The following GALNT13 variants were observed in gnomAD, a reference collection of about 807,000 sequenced individuals.
GALNT13 encodes the protein polypeptide N-acetylgalactosaminyltransferase 13, also known as UDP-GalNAc:polypeptide N-acetylgalactosaminyltransferase 13.
A neutral mutation model predicts 64.2 loss-of-function variants in GALNT13; 28 were observed. The observed-to-expected ratio is 0.44, with a 90% CI of 0.32 to 0.60. The LOEUF is 0.60. Ranked by LOEUF, GALNT13 falls within the 20% of genes least tolerant of loss-of-function variation. The probability of loss-of-function intolerance (pLI) is 0.05; values close to 1 mark genes in which losing one functional copy is unlikely to be tolerated. For synonymous variants in GALNT13, 214 were observed against 224.6 expected, an observed-to-expected ratio of 0.95 and a Z score of 0.42; for missense variants, 577 against 669.8, an observed-to-expected ratio of 0.86 and a Z score of 1.53.
At chr2:153,153,383 A>G in the GALNT13 span, among the ~76,000 whole-genome samples, 2 of 151,884 alleles carry the variant, frequency 1.3e-5, no homozygotes, top group South Asian at 4.1e-4. Flanking sequence ...TTTTCTGTAC[A>G]GAAGTCTTTA....
chr2:154,057,002 T>A (rs1699926203), intron 3 of GALNT13, among the ~76,000 whole-genome samples: 1 of 151,926 alleles, frequency 6.6e-6, no homozygotes, highest in Non-Finnish European at 1.5e-5. Flanking sequence ...GGAACCTAAT[T>A]CTTTTTTTAA....
chr2:154,308,012 A>C (rs1693834937), intron 9 of GALNT13, among the ~76,000 whole-genome samples: 1 of 152,120 alleles, frequency 6.6e-6, no homozygotes, highest in South Asian at 2.1e-4. Context: ...ATCAACAGGC[A>C]TGGTGATTAG....
At chr2:154,087,795 C>T (rs1701607111) in intron 3 of GALNT13, among the ~76,000 whole-genome samples, 1 of 152,040 alleles carries the variant, frequency 6.6e-6, no homozygotes, top group Non-Finnish European at 1.5e-5. Flanking sequence ...TTCAGAGCAA[C>T]AATACTATTT....
intron 9 of GALNT13, among the ~76,000 whole-genome samples, chr2:154,324,710 T>C (rs1379444182): frequency 1.3e-5 from 2 of 151,996 alleles, no homozygotes; most frequent in Non-Finnish European, 2.9e-5. Flanking sequence ...ATCAGAAAAG[T>C]GGAAATAGAA....
At chr2:153,923,789 T>C (rs962101273) in intron 2 of GALNT13, among the ~76,000 whole-genome samples, 6 of 148,760 alleles carry the variant, frequency 4.0e-5, no homozygotes, top group Non-Finnish European at 3.0e-5. Flanking sequence ...GAACATGCGG[T>C]GTTTGTTTTT....
chr2:153,820,186 A>G, the GALNT13 span, among the ~76,000 whole-genome samples: 2 of 152,320 alleles, frequency 1.3e-5, no homozygotes, highest in African/African-American at 4.8e-5. Context: ...CAAACATTCA[A>G]GAAAAAACAA....
At chr2:153,812,058 G>T in the GALNT13 span, among the ~76,000 whole-genome samples, 1 of 152,164 alleles carries the variant, frequency 6.6e-6, no homozygotes, top group Non-Finnish European at 1.5e-5. Flanking sequence ...CTCTAAGGTT[G>T]TTTTGTGCCC....
chr2:153,588,021 A>T, the GALNT13 span, among the ~76,000 whole-genome samples: 1 of 152,222 alleles, frequency 6.6e-6, no homozygotes, highest in Non-Finnish European at 1.5e-5. Flanking sequence ...CAAATCTTAA[A>T]GCTCCAAAAT....
the GALNT13 span, among the ~76,000 whole-genome samples, chr2:153,279,537 G>A: frequency 2.0e-5 from 3 of 152,152 alleles, no homozygotes; most frequent in Non-Finnish European, 2.9e-5. Flanking sequence ...ATGTTCCTTC[G>A]ATGCCTAGTT....
chr2:153,684,767 A>G, the GALNT13 span, among the ~76,000 whole-genome samples: 1,204 of 151,454 alleles, frequency 7.9e-3, 9 homozygotes, highest in Middle Eastern at 0.02. Flanking sequence ...TAAGCCTAGT[A>G]TCCATTAGTT....
intron 9 of GALNT13, among the ~76,000 whole-genome samples, chr2:154,307,810 T>C (rs1452026920): frequency 2.0e-5 from 3 of 152,180 alleles, no homozygotes; most frequent in Non-Finnish European, 4.4e-5. Context: ...AGTGAAGTTA[T>C]GTAAGCAAAA....
the GALNT13 span, among the ~76,000 whole-genome samples, chr2:153,080,421 C>T: frequency 6.6e-6 from 1 of 151,860 alleles, no homozygotes; most frequent in South Asian, 2.1e-4. Flanking sequence ...TTTCATAGTT[C>T]TCCTTTGAGT....
At chr2:153,165,613 T>C in the GALNT13 span, among the ~76,000 whole-genome samples, 1 of 152,184 alleles carries the variant, frequency 6.6e-6, no homozygotes, top group Non-Finnish European at 1.5e-5. Context: ...TATAAACACA[T>C]AATATACACT....
At chr2:154,067,365 G>A (rs1409312670) in intron 3 of GALNT13, among the ~76,000 whole-genome samples, 1 of 151,956 alleles carries the variant, frequency 6.6e-6, no homozygotes, top group Non-Finnish European at 1.5e-5. Context: ...TTTAAAAAAT[G>A]ACCCAACAAT....
the GALNT13 span, among the ~76,000 whole-genome samples, chr2:153,324,981 T>C: frequency 6.6e-6 from 1 of 152,168 alleles, no homozygotes; most frequent in African/African-American, 2.4e-5. Flanking sequence ...GTTATAAGGA[T>C]GATGCTGCTC....
the GALNT13 span, among the ~76,000 whole-genome samples, chr2:153,625,742 TC>T: frequency 1.3e-5 from 2 of 152,088 alleles, no homozygotes; most frequent in Non-Finnish European, 2.9e-5. Context: ...CTTTTTTTTT[TC>T]CTGTTCTCTG....
At chr2:154,334,525 A>G (rs1238278952) in intron 9 of GALNT13, among the ~76,000 whole-genome samples, 15 of 152,022 alleles carry the variant, frequency 9.9e-5, no homozygotes. Flanking sequence ...TCTAACCTCC[A>G]CTACATCAAA....
the GALNT13 span, among the ~76,000 whole-genome samples, chr2:153,738,258 CTCTT>C: frequency 7.9e-5 from 12 of 151,816 alleles, no homozygotes; most frequent in Admixed American, 7.9e-4. Context: ...TTCTTACTAG[CTCTT>C]TCTTTCTATT....
At chr2:154,433,685 TA>T (rs1448317852) in intron 11 of GALNT13, among the ~76,000 whole-genome samples, 1 of 150,838 alleles carries the variant, frequency 6.6e-6, no homozygotes. Flanking sequence ...GAGTTTTGAT[TA>T]GTACTACTAA....
Sources: allele counts gnomAD v4.1 joint callset (sites outside exome capture counted in the v4.1 genomes callset), GRCh38; gene constraint gnomAD v4.1.1; transcripts MANE v1.5; gene names NCBI Gene and HGNC (gene_info 2026-07-23, HGNC 2026-07-21).